The following HERC2 variants were observed in gnomAD, a reference collection of about 807,000 sequenced individuals.
HERC2 encodes HECT and RLD domain containing E3 ubiquitin protein ligase 2.
Under a neutral mutation model 537.7 loss-of-function variants are expected in HERC2, and 102 were observed. The observed-to-expected ratio is 0.19, with a 90% CI of 0.16 to 0.22. The LOEUF is 0.22. HERC2 is among the 10% of genes least tolerant of loss of function. HERC2 has a pLI of 1.00. For synonymous variants in HERC2, 2,224 were observed against 2,466.2 expected (o/e 0.90, Z 2.91); for missense variants, 4,236 against 6,198.2 (o/e 0.68, Z 10.63).
At position 28,225,138 on chromosome 15, in the gene HERC2, A is replaced by T. The variant is rs1900988731; in HGVS notation, c.5465-2923T>A. On this transcript the variant is annotated intron_variant, in intron 35 of 92. Coordinates refer to ENST00000261609, the MANE Select transcript of HERC2 (RefSeq NM_004667.6). ...TGTGGTGCCTCACACCTGTAATCCC[A>T]GCACTTTGGGAGGCTGAGGCAGGTG... Among the ~76,000 whole-genome samples the T allele has an allele frequency of 2.0e-5, 3 of 152,238 alleles. No individual in the cohort carries two copies. In the South Asian group the frequency reaches 6.2e-4, roughly 31 times the overall value.
chr15:28,157,630 T>A (rs1328645014), intron 69 of HERC2, among the ~76,000 whole-genome samples: 1 of 152,220 alleles, frequency 6.6e-6, no homozygotes, highest in East Asian at 1.9e-4. Flanking sequence ...TTGATTCTTC[T>A]CTCTTTTCTT....
intron 72 of HERC2, 120 bp from the exon 73 acceptor site, chr15:28,144,355 G>A (rs2142265922): frequency 2.0e-6 from 2 of 981,270 alleles, no homozygotes; most frequent in South Asian, 1.6e-5. Context: ...AACAGCTGGT[G>A]TGCCCACGCA....
chr15:28,250,722 C>T (rs1035288649), intron 20 of HERC2, among the ~76,000 whole-genome samples: 1 of 152,172 alleles, frequency 6.6e-6, no homozygotes, highest in African/African-American at 2.4e-5. Context: ...AGATAAACTA[C>T]TGTTCAACAA....
At chr15:28,223,298 G>T (rs1900726218) in intron 35 of HERC2, among the ~76,000 whole-genome samples, 2 of 152,084 alleles carry the variant, frequency 1.3e-5, no homozygotes, top group Admixed American at 1.3e-4. Context: ...TGTGGTTCTG[G>T]TAACTCCCTT....
chr15:28,129,606 C>A (rs748623580), intron 83 of HERC2, among the ~76,000 whole-genome samples: 1 of 152,232 alleles, frequency 6.6e-6, no homozygotes, highest in Non-Finnish European at 1.5e-5. Context: ...AAGCCTGCAG[C>A]AGGTCTGTCT....
At chr15:28,271,776 T>C (rs1162948316) in intron 9 of HERC2, among the ~76,000 whole-genome samples, 3 of 152,160 alleles carry the variant, frequency 2.0e-5, no homozygotes, top group African/African-American at 4.8e-5. Flanking sequence ...GTACTTGACA[T>C]GTAAAGACCA....
chr15:28,118,044 G>A (rs1479886151), intron 86 of HERC2: 5 of 172,112 alleles, frequency 2.9e-5, no homozygotes, highest in East Asian at 3.2e-4. Flanking sequence ...AGCTTACAGA[G>A]CAGGCTGCCA....
At chr15:28,199,127 A>T (rs1897646398) in intron 48 of HERC2, among the ~76,000 whole-genome samples, 1 of 151,988 alleles carries the variant, frequency 6.6e-6, no homozygotes, top group Non-Finnish European at 1.5e-5. Context: ...AGCCTGAGTG[A>T]CAAAGTGAGA....
intron 12 of HERC2, among the ~76,000 whole-genome samples, chr15:28,266,369 G>A (rs1277977228): frequency 1.2e-4 from 18 of 152,194 alleles, no homozygotes; most frequent in Admixed American, 1.2e-3. Context: ...TACAAAATTA[G>A]GTGGGCATAG....
chr15:28,142,579 G>C (rs1326049835), intron 75 of HERC2, 186 bp from the exon 76 acceptor site: 9 of 655,840 alleles, frequency 1.4e-5, no homozygotes, highest in Non-Finnish European at 1.9e-5. Context: ...CACAACTGCT[G>C]CAACACTTGT....
chr15:28,128,142 T>C (rs1351242954), intron 83 of HERC2, among the ~76,000 whole-genome samples: 1 of 152,128 alleles, frequency 6.6e-6, no homozygotes, highest in Non-Finnish European at 1.5e-5. Context: ...AAATAACTGG[T>C]GTCAAGTTGC....
At position 28,179,165 on chromosome 15, in the gene HERC2, C is replaced by T; in HGVS notation, c.8996G>A (p.Gly2999Asp). The stretch of plus-strand genomic sequence containing the variant: ...ACCTGCAAACAAACTTTTAGATCCA[C>T]CAGCCACCTGTACCACATTCAAAGC... ...LSALNVVQVA[G>D]GSKSLFAVTV... Residue 2999 changes from glycine (G) to aspartate (D), a missense_variant, in exon 58 of 93, where the codon GGT becomes GAT. Gly to Asp is a moderately conservative substitution (Grantham distance 94). Coordinates refer to ENST00000261609, the MANE Select transcript of HERC2 (RefSeq NM_004667.6). 1.9e-6 allele frequency: 3 copies of T among 1,613,030 alleles called. No homozygotes were observed. The highest frequency in any genetic ancestry group is 2.5e-6 in the Non-Finnish European group (3 of 1,179,562).
At chr15:28,185,312 G>C (rs6497285) in intron 56 of HERC2, among the ~76,000 whole-genome samples, 1 of 152,146 alleles carries the variant, frequency 6.6e-6, no homozygotes, top group South Asian at 2.1e-4. Flanking sequence ...TAGAGCACAG[G>C]GTGTCTTGGT....
Position 28,125,027 on chromosome 15 carries a change from A to G in HERC2, c.12969T>C (p.Ser4323=). The G allele has an allele frequency of 6.2e-7, 1 of 1,603,144 alleles. No homozygotes were observed. Among genetic ancestry groups the G allele is most frequent in the Non-Finnish European group, 8.5e-7 (1 of 1,170,756 alleles). Residue 4323 remains serine, a synonymous_variant, in exon 84 of 93, where the codon AGT becomes AGC. Coordinates refer to ENST00000261609, the MANE Select transcript of HERC2 (RefSeq NM_004667.6). ...TLAWSTSKPA[S]AGKLPAQVPM... ...TCACCTGTGCAGGGAGTTTGCCAGC[A>G]CTGGCGGGCTTGCTGGTCGACCAGG...
chr15:28,120,862 A>G (rs1888804531), intron 86 of HERC2, among the ~76,000 whole-genome samples: 1 of 152,210 alleles, frequency 6.6e-6, no homozygotes, highest in South Asian at 2.1e-4. Flanking sequence ...CATCAGAGAA[A>G]TCTGACAGAG....
At chr15:28,240,868 AC>A (rs60358372) in intron 23 of HERC2, among the ~76,000 whole-genome samples, 12,187 of 152,236 alleles carry the variant, frequency 0.08, 1,663 homozygotes, top group African/African-American at 0.28. Flanking sequence ...GTAGACCCTT[AC>A]CTTACGCCAC....
At chr15:28,298,924 G>A (rs1364765644) in intron 3 of HERC2, among the ~76,000 whole-genome samples, 1 of 152,066 alleles carries the variant, frequency 6.6e-6, no homozygotes, top group African/African-American at 2.4e-5. Flanking sequence ...CAAGCAGGGG[G>A]ACCAACGAAC....
rs2240202 is a variant in HERC2 at position 28,265,749 on chromosome 15, G to A, written c.1757-18C>T. The A allele has an allele frequency of 0.073, 118,374 of 1,613,686 alleles. 9,595 individuals are homozygous for A. Among genetic ancestry groups the A allele is most frequent in the East Asian group, 0.42 (18,678 of 44,832 alleles). On this transcript the variant is annotated intron_variant, in intron 13 of 92. Transcript: ENST00000261609. The surrounding 1 kb of genome is among the most constrained non-coding windows in gnomAD (Gnocchi z 4.0). ...ACTGGAGCCTTCAAACAGATAGGAC[G>A]GCGGTTACTAAGTCCTGTAAGAGGC...
intron 70 of HERC2, among the ~76,000 whole-genome samples, chr15:28,149,036 A>C (rs1014267060): frequency 1.3e-5 from 2 of 151,956 alleles, no homozygotes; most frequent in African/African-American, 2.4e-5. Flanking sequence ...GCACAAACGT[A>C]CATTCTAGTA....
Sources: allele counts gnomAD v4.1 joint callset (sites outside exome capture counted in the v4.1 genomes callset), GRCh38; gene constraint gnomAD v4.1.1; non-coding constraint Gnocchi (gnomAD v3.1); transcripts MANE v1.5; gene names NCBI Gene and HGNC (gene_info 2026-07-23, HGNC 2026-07-21).